CDH2: variants seen among roughly 807,000 people sequenced by gnomAD.
CDH2 encodes the protein cadherin 2.
In CDH2, 17 loss-of-function variants were observed where a neutral mutation model predicts 92.0. The ratio of observed to expected loss-of-function variants is 0.18; its 90% CI spans 0.13 to 0.28. The LOEUF is 0.28. Ranked by LOEUF, CDH2 falls within the 10% of genes least tolerant of loss-of-function variation. The probability of loss-of-function intolerance (pLI) is 1.00; values close to 1 mark genes in which losing one functional copy is unlikely to be tolerated. For synonymous variants in CDH2, 419 were observed against 415.9 expected (o/e 1.01, Z -0.09); for missense variants, 862 against 1,133.1 (o/e 0.76, Z 3.44).
chr18:28,015,066 C>T (rs1047536644), intron 2 of CDH2, among the ~76,000 whole-genome samples: 1 of 152,012 alleles, frequency 6.6e-6, no homozygotes. Context: ...TAATCAAATA[C>T]ACCTTGTGCA....
chr18:27,954,704 C>G (rs1417177219), intron 15 of CDH2: 2 of 152,274 alleles, frequency 1.3e-5, no homozygotes, highest in African/African-American at 2.4e-5. Flanking sequence ...CTAACAAAAG[C>G]CGAAGAATGC....
intron 2 of CDH2, among the ~76,000 whole-genome samples, chr18:28,125,948 A>ATTCCC (rs1158542016): frequency 1.3e-5 from 2 of 152,226 alleles, no homozygotes; most frequent in African/African-American, 2.4e-5. Flanking sequence ...AAATTTAGAA[A>ATTCCC]TATGAAAGCT....
downstream of CDH2, among the ~76,000 whole-genome samples, chr18:27,946,669 TAA>T (rs1221246864): frequency 3.3e-5 from 5 of 151,978 alleles, no homozygotes; most frequent in Non-Finnish European, 7.4e-5. Context: ...AGCATAAGCC[TAA>T]GACTAACGTT....
rs779314941 is a variant in CDH2 at position 28,064,136 on chromosome 18, A to AGG, written c.173-50229_173-50228dup. On this transcript the variant is annotated intron_variant, in intron 2 of 15. Transcript: ENST00000269141. The stretch of plus-strand genomic sequence containing the variant: ...CTTAAAACTATGAATTCCTCAAAAG[A>AGG]GGGGGGGGTAGGTGGGGATGGAAAG... Among the ~76,000 whole-genome samples the AGG allele has an allele frequency of 8.5e-3, 1,255 of 148,398 alleles. 13 individuals are homozygous for AGG. The highest frequency in any genetic ancestry group is 0.012 in the Non-Finnish European group (792 of 67,124).
At chr18:27,985,796 C>G (rs199692275) in intron 11 of CDH2, 35 bp from the exon 12 acceptor site, 6 of 1,224,170 alleles carry the variant, frequency 4.9e-6, no homozygotes, top group Non-Finnish European at 7.1e-6. Context: ...TGATGCTGAA[C>G]AGTTCTCTCC....
downstream of CDH2, among the ~76,000 whole-genome samples, chr18:27,950,240 G>A (rs1012252974): frequency 6.6e-6 from 1 of 151,914 alleles, no homozygotes; most frequent in African/African-American, 2.4e-5. Context: ...AGTTAGAGGA[G>A]GTATATTATA....
intron 2 of CDH2, among the ~76,000 whole-genome samples, chr18:28,032,724 CAG>C (rs980097407): frequency 6.6e-6 from 1 of 152,072 alleles, no homozygotes; most frequent in Non-Finnish European, 1.5e-5. Flanking sequence ...CAAAAGGTCA[CAG>C]AGTGTAAGTT....
intron 2 of CDH2, among the ~76,000 whole-genome samples, chr18:28,144,955 C>A (rs1421940813): frequency 6.6e-6 from 1 of 152,040 alleles, no homozygotes; most frequent in Non-Finnish European, 1.5e-5. Flanking sequence ...GCTCTTTAAA[C>A]CACAGTCCAG....
chr18:28,142,835 CAA>C (rs1443062616), intron 2 of CDH2, among the ~76,000 whole-genome samples: 3 of 151,954 alleles, frequency 2.0e-5, no homozygotes, highest in Admixed American at 6.6e-5. Flanking sequence ...TACATAAAAA[CAA>C]AAGCCATGCA....
chr18:28,140,981 T>C (rs1292615748), intron 2 of CDH2, among the ~76,000 whole-genome samples: 2 of 151,406 alleles, frequency 1.3e-5, no homozygotes, highest in Non-Finnish European at 3.0e-5. Flanking sequence ...AGGTACCATT[T>C]CACACCTACT....
intron 2 of CDH2, among the ~76,000 whole-genome samples, chr18:28,109,635 A>G (rs1167400754): frequency 6.6e-6 from 1 of 152,178 alleles, no homozygotes; most frequent in East Asian, 1.9e-4. Context: ...TGCAAATTTC[A>G]GTATCATTCA....
In CDH2 at chr18:27,977,020, C is replaced by T. The variant is rs17493332; in HGVS notation, c.2349+5924G>A. 5.8e-3 allele frequency among the ~76,000 whole-genome samples: 878 copies of T among 152,260 alleles called. 8 individuals carry two copies. The highest frequency in any genetic ancestry group is 0.019 in the African/African-American group (802 of 41,542). On this transcript the variant is annotated intron_variant, in intron 14 of 15. Transcript: ENST00000269141. ...ATCATTGAAAGCGATACCGTATCTG[C>T]AACCAACCCCATTGGCCAAAAGGGC...
At chr18:28,060,119 A>T (rs2144143959) in intron 2 of CDH2, among the ~76,000 whole-genome samples, 1 of 152,202 alleles carries the variant, frequency 6.6e-6, no homozygotes, top group Admixed American at 6.5e-5. Context: ...GTCACTGATG[A>T]TCATCACTTA....
In CDH2 at chr18:27,987,320, G is replaced by C. The variant is rs138395866; in HGVS notation, c.1741+1204C>G. Among the ~76,000 whole-genome samples the C allele has an allele frequency of 6.6e-3, 1,008 of 152,232 alleles. 7 individuals are homozygous for C. Among genetic ancestry groups the C allele is most frequent in the Non-Finnish European group, 0.011 (737 of 68,010 alleles). On this transcript the variant is annotated intron_variant, in intron 11 of 15. Transcript: ENST00000269141. ...CAATGGCAAAAGCTATTCCTACAAA[G>C]TTCCAACACTAAATATTTAAACAAG...
chr18:28,082,381 A>G (rs1425625743), intron 2 of CDH2, among the ~76,000 whole-genome samples: 2 of 152,160 alleles, frequency 1.3e-5, no homozygotes, highest in Non-Finnish European at 2.9e-5. Flanking sequence ...ACTGTACTTC[A>G]GCCTGGCCAA....
At chr18:28,163,880 A>T (rs934693907) in intron 1 of CDH2, among the ~76,000 whole-genome samples, 2 of 152,192 alleles carry the variant, frequency 1.3e-5, no homozygotes, top group African/African-American at 4.8e-5. Flanking sequence ...ATGTTAGAAA[A>T]ACCCAGATAG....
At chr18:28,163,557 G>C (rs1391564971) in intron 1 of CDH2, among the ~76,000 whole-genome samples, 1 of 152,210 alleles carries the variant, frequency 6.6e-6, no homozygotes. Context: ...TTTATACCCA[G>C]GTGGCATGCA....
intron 7 of CDH2, among the ~76,000 whole-genome samples, chr18:27,997,847 C>T (rs2012633175): frequency 6.6e-6 from 1 of 151,954 alleles, no homozygotes; most frequent in Non-Finnish European, 1.5e-5. Flanking sequence ...CACTCTGTCG[C>T]CCAGGCTGGA....
intron 2 of CDH2, chr18:28,146,308 CA>C (rs2016034193): frequency 6.6e-6 from 1 of 152,034 alleles, no homozygotes; most frequent in Non-Finnish European, 1.5e-5. Flanking sequence ...TACACATTTA[CA>C]GGTCATACAA....
Sources: allele counts gnomAD v4.1 joint callset (sites outside exome capture counted in the v4.1 genomes callset), GRCh38; gene constraint gnomAD v4.1.1; transcripts MANE v1.5; gene names NCBI Gene and HGNC (gene_info 2026-07-23, HGNC 2026-07-21).